PEDS1: variants seen among roughly 807,000 people sequenced by gnomAD.
PEDS1 encodes CarF homolog.
Under a neutral mutation model 35.2 loss-of-function variants are expected in PEDS1, and 14 were observed. The observed-to-expected ratio is 0.40, with a 90% CI of 0.26 to 0.62. The LOEUF is 0.62. Among genes scored for constraint, PEDS1 ranks in the 20% least tolerant of loss-of-function variants. PEDS1 has a pLI of 0.44. For missense variants in PEDS1, 260 were observed against 367.8 expected (o/e 0.71, Z 2.40); for synonymous variants, 152 against 152.0 (o/e 1.00, Z 0.00).
intron 5 of PEDS1, 41 bp from the exon 6 acceptor site, chr20:50,125,220 T>C (rs777761470): frequency 1.2e-6 from 2 of 1,606,378 alleles, no homozygotes; most frequent in South Asian, 2.2e-5. Flanking sequence ...TGGGAGAGAG[T>C]AGTCAAGGGG....
chr20:50,131,651 CA>C (rs1488567872), intron 2 of PEDS1, among the ~76,000 whole-genome samples: 1 of 151,928 alleles, frequency 6.6e-6, no homozygotes, highest in Non-Finnish European at 1.5e-5. Flanking sequence ...ACCTTACCTG[CA>C]GATAGAAGCC....
intron 2 of PEDS1, among the ~76,000 whole-genome samples, chr20:50,132,273 C>T (rs563025709): frequency 6.6e-6 from 1 of 152,280 alleles, no homozygotes; most frequent in South Asian, 2.1e-4. Context: ...AGCACAAATG[C>T]TTTACAGGCT....
rs183282341 is a variant in PEDS1, at chr20:50,129,328, G to A, written c.478+218C>T. ...GCTCAGCTCCCACCCAGTGAGGCCA[G>A]GTGGGAACATGGACCCAGGGGGGCC... On this transcript the variant is annotated intron_variant, in intron 4 of 5. Transcript: ENST00000371652. The surrounding 1 kb of genome is among the most constrained non-coding windows in gnomAD (Gnocchi z 4.2). Among the ~76,000 whole-genome samples the A allele has an allele frequency of 1.9e-3, 287 of 152,314 alleles. 1 individual carries two copies. Among genetic ancestry groups the A allele is most frequent in the Non-Finnish European group, 3.4e-3 (228 of 68,016 alleles).
At position 50,141,556 on chromosome 20, in the gene PEDS1, G is replaced by A. The variant is rs2081291602; in HGVS notation, c.241+1946C>T. Among the ~76,000 whole-genome samples the A allele has an allele frequency of 3.3e-5, 5 of 152,264 alleles. No individual in the cohort carries two copies. The South Asian group carries it at 1.0e-3, about 31-fold the overall frequency. On this transcript the variant is annotated intron_variant, in intron 2 of 5. Coordinates refer to ENST00000371652, the MANE Select transcript of PEDS1 (RefSeq NM_199129.4). ...CATTTACACTGTGGTAAATGAGGCT[G>A]AGAGATGCAATGTGGCCCAAGGCCA...
In PEDS1 at chr20:50,128,912, G is replaced by A. The variant is rs555025632; in HGVS notation, c.478+634C>T. On this transcript the variant is annotated intron_variant, in intron 4 of 5. Transcript: ENST00000371652. The surrounding 1 kb of genome is among the most constrained non-coding windows in gnomAD (Gnocchi z 5.2). The stretch of plus-strand genomic sequence containing the variant: ...CACCACTCACAGAAGCAGGGGCTGG[G>A]TGCACCCCCAGGGAAGGGGATGGGC... Among the ~76,000 whole-genome samples, 57 of 152,330 alleles carry A rather than the reference G, an allele frequency of 3.7e-4. No homozygotes were observed. The highest frequency in any genetic ancestry group is 1.3e-3 in the African/African-American group (55 of 41,570).
At chr20:50,127,352 T>G (rs1251243355) in intron 5 of PEDS1, among the ~76,000 whole-genome samples, 22 of 145,012 alleles carry the variant, frequency 1.5e-4, no homozygotes, top group African/African-American at 3.8e-4. Flanking sequence ...TTTTTTTTTT[T>G]TTTTTTTTTT....
Position 50,124,836 on chromosome 20 carries a change from A to C in PEDS1, c.*222T>G. 2.0e-6 allele frequency: 1 copy of C among 511,658 alleles called. No individual in the cohort carries two copies. The allele number at this position is 511,658 out of a possible 1,614,324, so 31.7% of individuals were successfully genotyped here. A position where few individuals can be genotyped will look rare whatever the true frequency, so the allele number is the denominator to read the frequency against. ...CAGAGTCAGGCTTGCAGATAGAGCA[A>C]CTCAGGTGGCTGAGGAGGGGCCGAG... On this transcript the variant is annotated 3_prime_UTR_variant, in exon 6 of 6. Coordinates refer to ENST00000371652, the MANE Select transcript of PEDS1 (RefSeq NM_199129.4).
intron 1 of PEDS1, among the ~76,000 whole-genome samples, chr20:50,151,747 T>G (rs2081406450): frequency 6.6e-6 from 1 of 152,124 alleles, no homozygotes; most frequent in South Asian, 2.1e-4. Flanking sequence ...TAGTCCCAGC[T>G]ACTCAGGAGG....
At position 50,129,511 on chromosome 20, in the gene PEDS1, C is replaced by G. The variant is rs1051680972; in HGVS notation, c.478+35G>C. 1.2e-6 allele frequency: 2 copies of G among 1,612,878 alleles called. No homozygotes were observed. The highest frequency in any genetic ancestry group is 4.5e-5 in the East Asian group (2 of 44,848). On this transcript the variant is annotated intron_variant, in intron 4 of 5. Coordinates refer to ENST00000371652, the MANE Select transcript of PEDS1 (RefSeq NM_199129.4). The surrounding 1 kb of genome is among the most constrained non-coding windows in gnomAD (Gnocchi z 4.2). ...TGGGGGTCGGCCTCTGCCCCCAAGG[C>G]CCCCTCCCAGCCCACCACTAGCTGG...
At chr20:50,127,008 A>G (rs961585149) in intron 5 of PEDS1, among the ~76,000 whole-genome samples, 11 of 151,582 alleles carry the variant, frequency 7.3e-5, no homozygotes, top group Admixed American at 3.3e-4. Context: ...CTCTGCCTCA[A>G]CTCCAGTCAG....
chr20:50,147,798 T>C (rs571688038), intron 1 of PEDS1, among the ~76,000 whole-genome samples: 6 of 152,314 alleles, frequency 3.9e-5, no homozygotes, highest in Admixed American at 3.9e-4. Context: ...CTCATGCCTG[T>C]AATCCCAGCA....
chr20:50,135,348 G>A (rs927863461), intron 2 of PEDS1, among the ~76,000 whole-genome samples: 8 of 150,736 alleles, frequency 5.3e-5, no homozygotes, highest in African/African-American at 1.2e-4. Context: ...AGGCCATAGT[G>A]TGCTGACCCC....
Position 50,122,136 on chromosome 20 carries a change from AAGTCTCAACTCAAAGAGAAAAAC to A in PEDS1, c.*2899_*2921del, listed in dbSNP as rs2081056470. 1 of 152,206 alleles carries A rather than the reference AAGTCTCAACTCAAAGAGAAAAAC, an allele frequency of 6.6e-6. No homozygotes were observed. Among genetic ancestry groups the A allele is most frequent in the Non-Finnish European group, 1.5e-5 (1 of 68,044 alleles). 9.4% of individuals were successfully genotyped at this position (152,206 alleles called of 1,614,324 possible). On this transcript the variant is annotated 3_prime_UTR_variant, in exon 6 of 6. Transcript: ENST00000371652. Reference sequence around the variant, plus strand: ...ACTGAGATTGCTGAGCTGGTCTAGTAAGTCTCAACTCAAAGAGAAAAACAGAGCTTAGAGAGACCACGTTTTGA... The same window carrying A: ...ACTGAGATTGCTGAGCTGGTCTAGTAAGAGCTTAGAGAGACCACGTTTTGA...
intron 1 of PEDS1, among the ~76,000 whole-genome samples, chr20:50,149,876 G>GC (rs2081384874): frequency 6.6e-6 from 1 of 152,180 alleles, no homozygotes; most frequent in African/African-American, 2.4e-5. Flanking sequence ...TCCAGGCCTA[G>GC]CCCTACTGCT....
rs2081134596 is a variant in PEDS1, at chr20:50,128,323, G to A, written c.479-136C>T. ...CCAGGATTCTCTTCCACCCCCTGCAGGGCCGCAGGCAAGCTCAGGTGCTGC... is the reference window on the plus strand; with the variant it reads ...CCAGGATTCTCTTCCACCCCCTGCAAGGCCGCAGGCAAGCTCAGGTGCTGC... On this transcript the variant is annotated intron_variant, in intron 4 of 5. Transcript: ENST00000371652. The surrounding 1 kb of genome is among the most constrained non-coding windows in gnomAD (Gnocchi z 5.2). The A allele has an allele frequency of 2.7e-6, 3 of 1,097,970 alleles. No homozygotes were observed. Among genetic ancestry groups the A allele is most frequent in the Non-Finnish European group, 2.6e-6 (2 of 770,756 alleles). 68.0% of individuals were successfully genotyped at this position (1,097,970 alleles called of 1,614,324 possible).
Position 50,124,877 on chromosome 20 carries a change from G to T in PEDS1, c.*181C>A. 27 of 686,620 alleles carry T rather than the reference G, an allele frequency of 3.9e-5. No individual in the cohort carries two copies. Among genetic ancestry groups the T allele is most frequent in the Non-Finnish European group, 5.2e-5 (23 of 440,964 alleles). 42.5% of individuals were successfully genotyped at this position (686,620 alleles called of 1,614,324 possible). A position where few individuals can be genotyped will look rare whatever the true frequency, so the allele number is the denominator to read the frequency against. ...AGGGGCCGAGGAAAAAAAAAAAAAA[G>T]AAATGAAAAATCAGTGGCTCAAGTA... On this transcript the variant is annotated 3_prime_UTR_variant, in exon 6 of 6. Transcript: ENST00000371652.
Position 50,128,326 on chromosome 20 carries a change from C to T in PEDS1, c.479-139G>A. ...GGATTCTCTTCCACCCCCTGCAGGG[C>T]CGCAGGCAAGCTCAGGTGCTGCCCT... On this transcript the variant is annotated intron_variant, in intron 4 of 5. Transcript: ENST00000371652. The surrounding 1 kb of genome is among the most constrained non-coding windows in gnomAD (Gnocchi z 5.2). 1 of 1,071,680 alleles carries T rather than the reference C, an allele frequency of 9.3e-7. No individual in the cohort carries two copies. Among genetic ancestry groups the T allele is most frequent in the Non-Finnish European group, 1.3e-6 (1 of 747,880 alleles). 66.4% of individuals were successfully genotyped at this position (1,071,680 alleles called of 1,614,324 possible). A position where few individuals can be genotyped will look rare whatever the true frequency, so the allele number is the denominator to read the frequency against.
chr20:50,136,741 A>AAC (rs1569045577), intron 2 of PEDS1, among the ~76,000 whole-genome samples: 1 of 145,168 alleles, frequency 6.9e-6, no homozygotes. Flanking sequence ...AAAAAAAAAA[A>AAC]AAGAGGGGAG....
At chr20:50,139,559 C>T (rs1253451446) in intron 2 of PEDS1, among the ~76,000 whole-genome samples, 1 of 152,026 alleles carries the variant, frequency 6.6e-6, no homozygotes, top group African/African-American at 2.4e-5. Flanking sequence ...TCCCAGCCTC[C>T]CTTGCTGGCT....
Sources: gnomAD v4.1 joint callset for allele counts (sites outside exome capture counted in the v4.1 genomes callset) on GRCh38, gnomAD v4.1.1 for gene constraint, Gnocchi (gnomAD v3.1) non-coding constraint, MANE v1.5 for transcripts, NCBI Gene and HGNC (gene_info 2026-07-23, HGNC 2026-07-21) for gene names.